GPD2: variants seen among roughly 807,000 people sequenced by gnomAD.
The protein encoded by GPD2 is glycerol-3-phosphate dehydrogenase 2.
A neutral mutation model predicts 82.4 loss-of-function variants in GPD2; 54 were observed. That is an observed-to-expected ratio of 0.66 (90% CI 0.53 to 0.82). The LOEUF (loss-of-function observed/expected upper bound fraction) is 0.82, where lower values mean the gene tolerates loss of function less well. GPD2 is among the 40% of genes least tolerant of loss of function. GPD2 has a pLI of 0.00. For synonymous variants in GPD2, 288 were observed against 306.1 expected, an observed-to-expected ratio of 0.94 and a Z score of 0.62; for missense variants, 748 against 896.2, an observed-to-expected ratio of 0.83 and a Z score of 2.11.
chr2:156,473,900 C>A (rs1328527285), intron 1 of GPD2, among the ~76,000 whole-genome samples: 6 of 152,048 alleles, frequency 3.9e-5, no homozygotes, highest in Admixed American at 3.9e-4. Flanking sequence ...GAATGGTGGC[C>A]CCTAGCCAGC....
intron 9 of GPD2, among the ~76,000 whole-genome samples, chr2:156,559,379 T>G (rs541022106): frequency 1.4e-3 from 211 of 152,322 alleles, no homozygotes; most frequent in African/African-American, 4.9e-3. Flanking sequence ...TGAAAATCTA[T>G]ATTAAAGTAT....
intron 13 of GPD2, among the ~76,000 whole-genome samples, chr2:156,575,307 A>C (rs1435873655): frequency 6.6e-6 from 1 of 152,076 alleles, no homozygotes; most frequent in Non-Finnish European, 1.5e-5. Flanking sequence ...AGTTTATTTT[A>C]TCAGCATTTA....
At position 156,557,501 on chromosome 2, in the gene GPD2, A is replaced by T; in HGVS notation, c.1084A>T (p.Thr362Ser). 1 of 1,596,656 alleles carries T rather than the reference A, an allele frequency of 6.3e-7. No individual in the cohort carries two copies. Among genetic ancestry groups the T allele is most frequent in the Non-Finnish European group, 8.6e-7 (1 of 1,164,114 alleles). ...AGTTDTPTDVTHHPIPSEEDI... is the reference protein window; with the variant it reads ...AGTTDTPTDVSHHPIPSEEDI... ...CACTACTGATACTCCAACTGATGTT[A>T]CACACCATCCAATTCCTTCAGAAGA... is the stretch of plus-strand genomic sequence containing the variant. The change falls in exon 9 of 17, where the codon ACA becomes TCA. Residue 362 changes from threonine (T) to serine (S), a missense_variant. Around this residue, in one of 3 missense-constraint regions of GPD2, gnomAD observed 692 missense variants for 809.7 expected, o/e 0.85. Coordinates refer to ENST00000438166, the MANE Select transcript of GPD2 (RefSeq NM_000408.5).
At chr2:156,579,192 C>T in intron 15 of GPD2, 28 bp downstream of exon 15, 2 of 1,164,910 alleles carry the variant, frequency 1.7e-6, no homozygotes, top group South Asian at 1.2e-5. Context: ...ATGTCAGCCT[C>T]TGATACTAGA....
chr2:156,531,903 C>G (rs919875837), intron 6 of GPD2, among the ~76,000 whole-genome samples: 2 of 152,120 alleles, frequency 1.3e-5, no homozygotes, highest in African/African-American at 4.8e-5. Flanking sequence ...TTCTCAGGCC[C>G]CTGCCTACTC....
chr2:156,510,388 A>G (rs1343209198), intron 3 of GPD2, among the ~76,000 whole-genome samples: 1 of 152,140 alleles, frequency 6.6e-6, no homozygotes, highest in East Asian at 1.9e-4. Flanking sequence ...TAGATCAGAG[A>G]TGAGGGGCTG....
At chr2:156,450,374 C>G (rs1464559056) in intron 1 of GPD2, among the ~76,000 whole-genome samples, 1 of 152,018 alleles carries the variant, frequency 6.6e-6, no homozygotes, top group Non-Finnish European at 1.5e-5. Flanking sequence ...ATGGAGTTAC[C>G]TACAGAGAAT....
the GPD2 span, among the ~76,000 whole-genome samples, chr2:156,419,322 G>C: frequency 6.6e-6 from 1 of 152,264 alleles, no homozygotes; most frequent in African/African-American, 2.4e-5. Flanking sequence ...GCCTCCCAAA[G>C]TGCTGGGATT....
chr2:156,546,647 C>T (rs552701807), intron 6 of GPD2, among the ~76,000 whole-genome samples: 8 of 152,118 alleles, frequency 5.3e-5, no homozygotes, highest in Non-Finnish European at 1.2e-4. Flanking sequence ...TTACTTGCTC[C>T]TCAAGTTTTG....
intron 6 of GPD2, among the ~76,000 whole-genome samples, chr2:156,529,914 C>T (rs904424830): frequency 8.6e-5 from 13 of 152,042 alleles, no homozygotes; most frequent in Admixed American, 3.3e-4. Flanking sequence ...ATTGCCTTGG[C>T]GATGTGGGCT....
At chr2:156,491,790 AGGCTGGTGGATCACGAGGG>A (rs763744348) in intron 2 of GPD2, among the ~76,000 whole-genome samples, 3 of 152,062 alleles carry the variant, frequency 2.0e-5, no homozygotes, top group Non-Finnish European at 4.4e-5. Flanking sequence ...TGGGAGCCCG[AGGCTGGTGGATCACGAGGG>A]CAGGAGTTCA....
At chr2:156,472,583 A>G (rs1329886631) in intron 1 of GPD2, among the ~76,000 whole-genome samples, 1 of 152,140 alleles carries the variant, frequency 6.6e-6, no homozygotes, top group Non-Finnish European at 1.5e-5. Context: ...CAGCCTCCCA[A>G]AGTGCTGGGA....
At position 156,585,842 on chromosome 2, in the gene GPD2, G is replaced by A. The variant is rs186949013; in HGVS notation, c.*2924G>A. Reference sequence around the variant, plus strand: ...TCAACCTTTTTGAAGGAGTGAAAAAGCCCTACTATGTTTTTAAATAGCAAG... The same window carrying A: ...TCAACCTTTTTGAAGGAGTGAAAAAACCCTACTATGTTTTTAAATAGCAAG... On this transcript the variant is annotated 3_prime_UTR_variant, in exon 17 of 17. Coordinates refer to ENST00000438166, the MANE Select transcript of GPD2 (RefSeq NM_000408.5). 3.8e-3 allele frequency: 582 copies of A among 152,542 alleles called. 7 individuals are homozygous for A. The highest frequency in any genetic ancestry group is 3.9e-3 in the Non-Finnish European group (264 of 67,948). 9.4% of individuals were successfully genotyped at this position (152,542 alleles called of 1,614,324 possible).
intron 6 of GPD2, among the ~76,000 whole-genome samples, chr2:156,523,875 T>G (rs1310907191): frequency 4.6e-5 from 7 of 152,214 alleles, no homozygotes; most frequent in Non-Finnish European, 1.0e-4. Flanking sequence ...AATATCTGGT[T>G]ATGTTCACAT....
At chr2:156,523,918 C>T (rs1209676719) in intron 6 of GPD2, among the ~76,000 whole-genome samples, 1 of 152,098 alleles carries the variant, frequency 6.6e-6, no homozygotes, top group East Asian at 1.9e-4. Context: ...TATTAGGCTC[C>T]TGATTTTAAA....
At chr2:156,419,107 T>A in the GPD2 span, among the ~76,000 whole-genome samples, 28,105 of 144,386 alleles carry the variant, frequency 0.19, 3,110 homozygotes, top group Non-Finnish European at 0.24. Context: ...TTGCCCAGGC[T>A]GGAGTGCAAT....
chr2:156,449,761 A>G (rs1350693872), intron 1 of GPD2, among the ~76,000 whole-genome samples: 1 of 151,220 alleles, frequency 6.6e-6, no homozygotes, highest in East Asian at 2.0e-4. Context: ...CTGTAATCCC[A>G]GCACTTTGGG....
At chr2:156,446,687 C>G (rs901838134) in intron 1 of GPD2, among the ~76,000 whole-genome samples, 2 of 151,712 alleles carry the variant, frequency 1.3e-5, no homozygotes, top group African/African-American at 2.4e-5. Context: ...CCTCAGCCTC[C>G]AGAGTAGCTG....
At chr2:156,543,470 A>T (rs1686405029) in intron 6 of GPD2, among the ~76,000 whole-genome samples, 1 of 152,148 alleles carries the variant, frequency 6.6e-6, no homozygotes, top group South Asian at 2.1e-4. Flanking sequence ...TGCATTATAG[A>T]CTCAGTTCCT....
Sources: allele counts gnomAD v4.1 joint callset (sites outside exome capture counted in the v4.1 genomes callset), GRCh38; gene constraint gnomAD v4.1.1; regional missense constraint gnomAD v4.1.1; transcripts MANE v1.5; gene names NCBI Gene and HGNC (gene_info 2026-07-23, HGNC 2026-07-21).